The following TMEM40 variants were observed in gnomAD, a reference collection of about 807,000 sequenced individuals.
TMEM40 encodes transmembrane protein 40.
A neutral mutation model predicts 40.8 loss-of-function variants in TMEM40; 34 were observed. The observed-to-expected ratio is 0.83, with a 90% confidence interval of 0.63 to 1.11. TMEM40 has a LOEUF of 1.11. Among genes scored for constraint, TMEM40 ranks in the 50% least tolerant of loss-of-function variants. The pLI, the probability that TMEM40 is intolerant of heterozygous loss-of-function variation, is 0.00. For missense variants in TMEM40, 296 were observed against 280.2 expected, an observed-to-expected ratio of 1.06 and a Z score of -0.40; for synonymous variants, 106 against 107.0, an observed-to-expected ratio of 0.99 and a Z score of 0.06.
chr3:12,762,513 A>T (rs991722616), upstream of TMEM40, among the ~76,000 whole-genome samples: 17 of 152,158 alleles, frequency 1.1e-4, no homozygotes, highest in African/African-American at 4.1e-4. Context: ...TCCAGAGGCC[A>T]CAGGGGAGAG....
intron 1 of TMEM40, among the ~76,000 whole-genome samples, chr3:12,756,184 G>A (rs1461579583): frequency 1.3e-5 from 2 of 151,152 alleles, no homozygotes; most frequent in African/African-American, 2.5e-5. Context: ...AAATACAATC[G>A]TATTTGAGTT....
chr3:12,751,122 T>C (rs2061472136), intron 1 of TMEM40, among the ~76,000 whole-genome samples: 1 of 151,774 alleles, frequency 6.6e-6, no homozygotes, highest in Non-Finnish European at 1.5e-5. Context: ...GTAATAGTGC[T>C]TACCTTATAG....
chr3:12,742,667 C>T, intron 4 of TMEM40, 160 bp from the exon 5 acceptor site: 1 of 752,022 alleles, frequency 1.3e-6, no homozygotes, highest in Non-Finnish European at 2.1e-6. Flanking sequence ...AGTACCTTCC[C>T]TTTGCCCTCT....
At chr3:12,742,208 C>T (rs112650053) in intron 5 of TMEM40, among the ~76,000 whole-genome samples, 7 of 152,060 alleles carry the variant, frequency 4.6e-5, no homozygotes, top group African/African-American at 9.7e-5. Flanking sequence ...CCAGCCTGGG[C>T]GACAGAGTGA....
In TMEM40 at chr3:12,755,228, TCTCTC is replaced by T. The variant is rs1559533315; in HGVS notation, c.-9+3958_-9+3962del. ...CTTTCTTTCTTTCTCTCTCTCTCTC[TCTCTC>T]TCTTTCTTTCTTTCTTTCTTTCTTT... On this transcript the variant is annotated intron_variant, in intron 1 of 11. Coordinates refer to ENST00000314124, the MANE Select transcript of TMEM40 (RefSeq NM_018306.4). Among the ~76,000 whole-genome samples the T allele has an allele frequency of 2.2e-3, 211 of 94,496 alleles. 1 individual carries two copies. The highest frequency in any genetic ancestry group is 0.011 in the African/African-American group (195 of 17,332). The allele number at this position is 94,496 out of a possible 152,430, so 62.0% of individuals were successfully genotyped here.
chr3:12,742,543 A>G (rs1211127376), intron 4 of TMEM40, 36 bp from the exon 5 acceptor site: 7 of 1,609,450 alleles, frequency 4.3e-6, no homozygotes, highest in Non-Finnish European at 5.9e-6. Context: ...AGCACTCCCC[A>G]AACACAGTGA....
At chr3:12,769,379 G>C (rs568087090) in exon 1 of TMEM40, 2 of 226,422 alleles carry the variant, frequency 8.8e-6, no homozygotes, top group Admixed American at 9.2e-5. Flanking sequence ...GAGGCACCAA[G>C]AGCAAGCGAG....
rs374102262 is a variant in TMEM40, at chr3:12,743,916, G to A, written c.285C>T (p.His95=). The A allele has an allele frequency of 1.4e-5, 22 of 1,613,290 alleles. No individual in the cohort carries two copies. In the East Asian group the frequency reaches 2.2e-4, roughly 16 times the overall value. Reference sequence around the variant, plus strand: ...ATTTCCTACCGGGTGAGCCGTTCCCGTGGGGGTATCCAGCCCCCAGGCTCC... The same window carrying A: ...ATTTCCTACCGGGTGAGCCGTTCCCATGGGGGTATCCAGCCCCCAGGCTCC... ...HRRSLGAGYP[H]GNGSPGPGHG... is the part of the protein sequence containing the mutation. Residue 95 remains histidine (H), a synonymous_variant, in exon 4 of 12, where the codon CAC becomes CAT. Transcript: ENST00000314124.
intron 1 of TMEM40, among the ~76,000 whole-genome samples, chr3:12,756,484 A>T (rs1032137093): frequency 6.6e-6 from 1 of 152,212 alleles, no homozygotes; most frequent in African/African-American, 2.4e-5. Context: ...CTAATCAGAT[A>T]ATTTGTTCCA....
chr3:12,758,913 T>C (rs2061549818), intron 1 of TMEM40, among the ~76,000 whole-genome samples: 1 of 152,172 alleles, frequency 6.6e-6, no homozygotes, highest in Admixed American at 6.5e-5. Flanking sequence ...TCTGAAAGTC[T>C]TGCAGCAAGT....
At chr3:12,768,546 G>A (rs1340170303) in intron 1 of TMEM40, among the ~76,000 whole-genome samples, 6 of 152,098 alleles carry the variant, frequency 3.9e-5, no homozygotes, top group Non-Finnish European at 8.8e-5. Flanking sequence ...GTCCCCACCA[G>A]ATTAGCTAGA....
At chr3:12,738,638 G>T (rs773218962) in intron 5 of TMEM40, 50 bp from the exon 6 acceptor site, 5 of 1,591,370 alleles carry the variant, frequency 3.1e-6, no homozygotes, top group Middle Eastern at 3.3e-4. Context: ...CTCTGGGGGG[G>T]GAGAAGTCAT....
chr3:12,768,772 C>G (rs2061606455), intron 1 of TMEM40, among the ~76,000 whole-genome samples: 1 of 152,154 alleles, frequency 6.6e-6, no homozygotes. Flanking sequence ...GAGCTGCCTG[C>G]CAGTCCCGCG....
intron 1 of TMEM40, among the ~76,000 whole-genome samples, chr3:12,755,233 C>CTCTTTCTTTCTTTCTTTCTTTCTT (rs749104547): frequency 1.4e-3 from 85 of 59,944 alleles, no homozygotes; most frequent in Non-Finnish European, 1.8e-3. Context: ...CTCTCTCTCT[C>CTCTTTCTTTCTTTCTTTCTTTCTT]TCTTTCTTTC....
chr3:12,739,203 T>C (rs1389825805), intron 5 of TMEM40: 1 of 152,376 alleles, frequency 6.6e-6, no homozygotes, highest in Non-Finnish European at 1.5e-5. Context: ...CAAAATGCCA[T>C]TGCTTGTGAG....
At chr3:12,753,790 G>A (rs2061497485) in intron 1 of TMEM40, among the ~76,000 whole-genome samples, 1 of 152,204 alleles carries the variant, frequency 6.6e-6, no homozygotes, top group South Asian at 2.1e-4. Flanking sequence ...CATGGGTGGT[G>A]CCAGGGCCTC....
At chr3:12,756,591 A>C (rs2061529285) in intron 1 of TMEM40, among the ~76,000 whole-genome samples, 1 of 152,190 alleles carries the variant, frequency 6.6e-6, no homozygotes, top group African/African-American at 2.4e-5. Flanking sequence ...GAAGAAACCT[A>C]AAACTCATAA....
intron 1 of TMEM40, among the ~76,000 whole-genome samples, chr3:12,753,211 C>CTTTTTTTTTTTTTTTT (rs56739791): frequency 6.3e-4 from 48 of 76,304 alleles, no homozygotes; most frequent in Admixed American, 9.2e-4. Context: ...TTCTTTCTTT[C>CTTTTTTTTTTTTTTTT]TTTTTTTTTT....
chr3:12,764,540 G>A (rs1302765412), intron 1 of TMEM40, among the ~76,000 whole-genome samples: 1 of 152,230 alleles, frequency 6.6e-6, no homozygotes, highest in Non-Finnish European at 1.5e-5. Context: ...TCTGGTCCAC[G>A]TTGGAATCCT....
Sources: allele counts gnomAD v4.1 joint callset (sites outside exome capture counted in the v4.1 genomes callset), GRCh38; gene constraint gnomAD v4.1.1; transcripts MANE v1.5; gene names NCBI Gene and HGNC (gene_info 2026-07-23, HGNC 2026-07-21).